CYRIA: variants seen among roughly 807,000 people sequenced by gnomAD.
The protein encoded by CYRIA is CYFIP related Rac1 interactor A.
CYRIA carries 15 observed loss-of-function variants against 43.9 expected under a neutral mutation model. The ratio of observed to expected loss-of-function variants is 0.34; its 90% CI spans 0.23 to 0.53. The LOEUF (loss-of-function observed/expected upper bound fraction) is 0.53, where lower values mean the gene tolerates loss of function less well. CYRIA is among the 20% of genes least tolerant of loss of function. CYRIA has a pLI of 0.94. For missense variants in CYRIA, 236 were observed against 394.2 expected, an observed-to-expected ratio of 0.60 and a Z score of 3.40; for synonymous variants, 117 against 136.0, an observed-to-expected ratio of 0.86 and a Z score of 0.97.
intron 2 of CYRIA, among the ~76,000 whole-genome samples, chr2:16,589,327 G>A (rs912024912): frequency 1.3e-5 from 2 of 152,120 alleles, no homozygotes; most frequent in African/African-American, 4.8e-5. Context: ...GATGTGGCGA[G>A]AGAAGAATGC....
intron 3 of CYRIA, among the ~76,000 whole-genome samples, chr2:16,570,339 T>C (rs1038546152): frequency 6.6e-6 from 1 of 152,146 alleles, no homozygotes; most frequent in African/African-American, 2.4e-5. Flanking sequence ...TTAACATCCA[T>C]GTTCTCAAAT....
At chr2:16,658,458 T>C (rs921935210) in intron 1 of CYRIA, among the ~76,000 whole-genome samples, 3 of 152,244 alleles carry the variant, frequency 2.0e-5, no homozygotes, top group African/African-American at 7.2e-5. Flanking sequence ...TTATTAACTT[T>C]AGTTCACAAA....
intron 2 of CYRIA, among the ~76,000 whole-genome samples, chr2:16,614,537 AC>A (rs1158784800): frequency 1.3e-5 from 2 of 152,090 alleles, no homozygotes; most frequent in African/African-American, 4.8e-5. Context: ...TTTGCCTTTC[AC>A]CCTCTGGAGA....
intron 5 of CYRIA, among the ~76,000 whole-genome samples, chr2:16,563,409 C>T (rs1666821003): frequency 6.6e-6 from 1 of 152,088 alleles, no homozygotes; most frequent in Admixed American, 6.5e-5. Context: ...GTAGAACATG[C>T]CTTCTTCATT....
At chr2:16,631,869 C>A (rs1669338242) in intron 1 of CYRIA, among the ~76,000 whole-genome samples, 1 of 152,182 alleles carries the variant, frequency 6.6e-6, no homozygotes, top group South Asian at 2.1e-4. Flanking sequence ...GTCAGTCTGG[C>A]TACAGTCATG....
At chr2:16,652,036 A>C (rs944747189) in intron 1 of CYRIA, among the ~76,000 whole-genome samples, 1 of 152,170 alleles carries the variant, frequency 6.6e-6, no homozygotes, top group Admixed American at 6.5e-5. Context: ...AAGCAAACCT[A>C]CTACCTGATC....
chr2:16,601,007 G>A (rs1339435671), intron 2 of CYRIA, among the ~76,000 whole-genome samples: 1 of 152,182 alleles, frequency 6.6e-6, no homozygotes, highest in Non-Finnish European at 1.5e-5. Flanking sequence ...CCTGCCTGGG[G>A]ACTTCAGAGA....
intron 3 of CYRIA, among the ~76,000 whole-genome samples, chr2:16,585,229 A>C (rs953830997): frequency 1.1e-4 from 16 of 152,104 alleles, no homozygotes; most frequent in Non-Finnish European, 1.9e-4. Context: ...AGGATAAAAA[A>C]ATTTTTTTTC....
intron 1 of CYRIA, among the ~76,000 whole-genome samples, chr2:16,662,641 G>A (rs1670287540): frequency 1.3e-5 from 2 of 152,200 alleles, no homozygotes; most frequent in Admixed American, 6.5e-5. Context: ...CAGTAAGAAA[G>A]GCAGTCCTGG....
At chr2:16,581,004 A>C (rs1333640254) in intron 3 of CYRIA, among the ~76,000 whole-genome samples, 2 of 152,220 alleles carry the variant, frequency 1.3e-5, no homozygotes, top group African/African-American at 4.8e-5. Context: ...TACAGCTTTC[A>C]GAAGAAAACA....
intron 1 of CYRIA, among the ~76,000 whole-genome samples, chr2:16,629,300 C>T (rs1039150302): frequency 6.6e-6 from 1 of 152,210 alleles, no homozygotes; most frequent in African/African-American, 2.4e-5. Flanking sequence ...CCCTTTTCCC[C>T]TGACTGGGCC....
At chr2:16,649,579 G>A (rs1398722407) in intron 1 of CYRIA, among the ~76,000 whole-genome samples, 4 of 152,020 alleles carry the variant, frequency 2.6e-5, no homozygotes, top group Admixed American at 2.6e-4. Flanking sequence ...TGTTTATACA[G>A]TACAGTGGAT....
intron 3 of CYRIA, among the ~76,000 whole-genome samples, chr2:16,568,079 C>G (rs953634935): frequency 1.3e-5 from 2 of 152,074 alleles, no homozygotes; most frequent in African/African-American, 4.8e-5. Flanking sequence ...CTTCCCATAT[C>G]CAAAAATCTG....
intron 1 of CYRIA, among the ~76,000 whole-genome samples, chr2:16,659,567 G>C (rs1050316415): frequency 2.6e-5 from 4 of 152,124 alleles, no homozygotes; most frequent in African/African-American, 9.7e-5. Context: ...CAAGACCCCG[G>C]GTCTTCTTGG....
At chr2:16,572,349 G>A (rs914599005) in intron 3 of CYRIA, among the ~76,000 whole-genome samples, 4 of 150,204 alleles carry the variant, frequency 2.7e-5, no homozygotes, top group African/African-American at 4.9e-5. Flanking sequence ...TTTTTGTCAC[G>A]GAATCTTTGT....
At chr2:16,632,763 G>A (rs772469270) in intron 1 of CYRIA, among the ~76,000 whole-genome samples, 2 of 152,134 alleles carry the variant, frequency 1.3e-5, no homozygotes, top group Non-Finnish European at 2.9e-5. Flanking sequence ...TATGATGCTG[G>A]CAAGGGTCAT....
intron 1 of CYRIA, among the ~76,000 whole-genome samples, chr2:16,660,876 C>T (rs1003532783): frequency 1.3e-5 from 2 of 152,152 alleles, no homozygotes; most frequent in African/African-American, 2.4e-5. Flanking sequence ...AAACATGGCA[C>T]CCATTCTCAG....
In CYRIA at chr2:16,562,291, G is replaced by C. The variant is rs1666766657; in HGVS notation, c.299-150C>G. On this transcript the variant is annotated intron_variant, in intron 5 of 11. Transcript: ENST00000381323. ...GTGAGGTGTGCTGCATGTGGACGAG[G>C]AAGAGAAGGAATCCCACATGGCTGG... 4 of 830,482 alleles carry C rather than the reference G, an allele frequency of 4.8e-6. No individual in the cohort carries two copies. In the East Asian group the frequency reaches 1.2e-4, roughly 25 times the overall value. The allele number at this position is 830,482 out of a possible 1,614,324, so 51.4% of individuals were successfully genotyped here. A position where few individuals can be genotyped will look rare whatever the true frequency, so the allele number is the denominator to read the frequency against.
chr2:16,555,597 T>A (rs1666478238), intron 10 of CYRIA, among the ~76,000 whole-genome samples: 1 of 152,172 alleles, frequency 6.6e-6, no homozygotes, highest in Admixed American at 6.6e-5. Context: ...GTCCTTCACC[T>A]GTTTGACTGG....
Sources: gnomAD v4.1 joint callset for allele counts (sites outside exome capture counted in the v4.1 genomes callset) on GRCh38, gnomAD v4.1.1 for gene constraint, MANE v1.5 for transcripts, NCBI Gene and HGNC (gene_info 2026-07-23, HGNC 2026-07-21) for gene names.